The following LDLRAD4 variants were observed in gnomAD, a reference collection of about 807,000 sequenced individuals.
The protein encoded by LDLRAD4 is low density lipoprotein receptor class A domain containing 4.
A neutral mutation model predicts 17.0 loss-of-function variants in LDLRAD4; 5 were observed. The observed-to-expected ratio is 0.29, with a 90% CI of 0.15 to 0.62. The LOEUF (loss-of-function observed/expected upper bound fraction) is 0.62, where lower values mean the gene tolerates loss of function less well. Among genes scored for constraint, LDLRAD4 ranks in the 20% least tolerant of loss-of-function variants. The pLI is 0.84. For missense variants in LDLRAD4, 340 were observed against 424.7 expected (o/e 0.80, Z 1.75); for synonymous variants, 168 against 171.8 (o/e 0.98, Z 0.17).
intron 3 of LDLRAD4, among the ~76,000 whole-genome samples, chr18:13,510,220 A>G (rs2093756076): frequency 1.3e-5 from 2 of 152,312 alleles, no homozygotes; most frequent in South Asian, 2.1e-4. Context: ...TGAACTGCGT[A>G]AAGTGGGGAT....
At chr18:13,518,748 T>C (rs1230271417) in intron 3 of LDLRAD4, among the ~76,000 whole-genome samples, 2 of 152,220 alleles carry the variant, frequency 1.3e-5, no homozygotes, top group African/African-American at 2.4e-5. Context: ...CTATTTTCTA[T>C]TACTGGCTTC....
intron 1 of LDLRAD4, among the ~76,000 whole-genome samples, chr18:13,316,576 G>C (rs1225418486): frequency 6.6e-6 from 1 of 152,222 alleles, no homozygotes; most frequent in African/African-American, 2.4e-5. Context: ...GCGACTACCT[G>C]TCACCAGCAA....
intron 3 of LDLRAD4, among the ~76,000 whole-genome samples, chr18:13,480,891 C>T (rs56270936): frequency 0.41 from 61,663 of 152,140 alleles, 13,950 homozygotes; most frequent in Non-Finnish European, 0.51. Flanking sequence ...TGAAAACCCA[C>T]GTCCTGGCTG....
intron 3 of LDLRAD4, among the ~76,000 whole-genome samples, chr18:13,603,931 G>A (rs2095193626): frequency 6.6e-6 from 1 of 152,248 alleles, no homozygotes; most frequent in African/African-American, 2.4e-5. Flanking sequence ...CTGCAGCCCT[G>A]GAGCTGACAT....
chr18:13,630,268 T>C (rs989975051), intron 4 of LDLRAD4, among the ~76,000 whole-genome samples: 2 of 152,178 alleles, frequency 1.3e-5, no homozygotes, highest in African/African-American at 4.8e-5. Flanking sequence ...AGAAGTCTGA[T>C]GATGGATTCC....
At chr18:13,565,321 G>A (rs2094586239) in intron 3 of LDLRAD4, among the ~76,000 whole-genome samples, 1 of 152,240 alleles carries the variant, frequency 6.6e-6, no homozygotes, top group South Asian at 2.1e-4. Context: ...CAGCCCCTGT[G>A]ACGGGCCTTT....
intron 3 of LDLRAD4, among the ~76,000 whole-genome samples, chr18:13,568,824 A>G (rs2094643175): frequency 6.6e-6 from 1 of 152,146 alleles, no homozygotes; most frequent in African/African-American, 2.4e-5. Context: ...CAAGTTATTT[A>G]AATTTATAAC....
intron 1 of LDLRAD4, among the ~76,000 whole-genome samples, chr18:13,372,903 C>A (rs1267611243): frequency 6.6e-6 from 1 of 152,204 alleles, no homozygotes; most frequent in Non-Finnish European, 1.5e-5. Flanking sequence ...TGTGCAGAAC[C>A]GTTCACCATC....
chr18:13,394,112 C>T (rs183592256), intron 2 of LDLRAD4, among the ~76,000 whole-genome samples: 79 of 152,316 alleles, frequency 5.2e-4, no homozygotes, highest in Non-Finnish European at 9.8e-4. Flanking sequence ...GCCATTTGCA[C>T]ATTCTGTGGT....
chr18:13,223,286 T>C (rs2145355960), intron 1 of LDLRAD4, among the ~76,000 whole-genome samples: 1 of 152,324 alleles, frequency 6.6e-6, no homozygotes. Context: ...CTAGAGAGTC[T>C]CCTGAAAGTA....
chr18:13,523,208 T>C (rs2093979520), intron 3 of LDLRAD4, among the ~76,000 whole-genome samples: 1 of 152,180 alleles, frequency 6.6e-6, no homozygotes, highest in Non-Finnish European at 1.5e-5. Context: ...TTAGGGCAAA[T>C]TCAGTGACCT....
chr18:13,426,422 C>T (rs1187354620), intron 2 of LDLRAD4, among the ~76,000 whole-genome samples: 3 of 152,186 alleles, frequency 2.0e-5, no homozygotes, highest in Non-Finnish European at 2.9e-5. Flanking sequence ...CATAGGTTGT[C>T]AGAAATAAGT....
chr18:13,348,871 C>T (rs894326705), intron 1 of LDLRAD4, among the ~76,000 whole-genome samples: 18 of 152,188 alleles, frequency 1.2e-4, no homozygotes, highest in African/African-American at 4.1e-4. Context: ...CCCTCCGAGC[C>T]AGGCACGGGA....
At chr18:13,368,465 C>G (rs142285887) in intron 1 of LDLRAD4, among the ~76,000 whole-genome samples, 1 of 152,190 alleles carries the variant, frequency 6.6e-6, no homozygotes, top group African/African-American at 2.4e-5. Context: ...CTTGCCTACA[C>G]CAGAACTTCA....
intron 1 of LDLRAD4, among the ~76,000 whole-genome samples, chr18:13,234,510 G>C (rs1377100449): frequency 1.3e-5 from 2 of 152,196 alleles, no homozygotes; most frequent in Non-Finnish European, 2.9e-5. Context: ...GAGCAGGCCA[G>C]GGGAGGATGG....
intron 1 of LDLRAD4, among the ~76,000 whole-genome samples, chr18:13,338,314 G>A (rs1446124723): frequency 6.6e-6 from 1 of 152,180 alleles, no homozygotes; most frequent in East Asian, 1.9e-4. Context: ...CAGTAGCACT[G>A]TTCTCTGGAG....
rs190229748 is a variant in LDLRAD4, at chr18:13,411,262, A to G, written c.40+23500A>G. 7.9e-5 allele frequency among the ~76,000 whole-genome samples: 12 copies of G among 152,160 alleles called. No homozygotes were observed. In the East Asian group the frequency reaches 2.1e-3, roughly 27 times the overall value. On this transcript the variant is annotated intron_variant, in intron 2 of 5. Coordinates refer to ENST00000359446, the Ensembl canonical transcript of LDLRAD4. ...ACCAGACCCTGTCTCAAAAAAAAAA[A>G]AAAGAAAGAAAAAAAAGTGCCTCTA...
At chr18:13,242,634 T>C (rs991101179) in intron 1 of LDLRAD4, among the ~76,000 whole-genome samples, 3 of 152,034 alleles carry the variant, frequency 2.0e-5, no homozygotes, top group Admixed American at 6.5e-5. Flanking sequence ...CTCTGCATTG[T>C]TATTTTTTAA....
intron 1 of LDLRAD4, among the ~76,000 whole-genome samples, chr18:13,381,974 G>T (rs1020998582): frequency 6.6e-6 from 1 of 152,186 alleles, no homozygotes. Context: ...AACTTCTCTG[G>T]TGGGTAGAGT....
Sources: gnomAD v4.1 joint callset for allele counts (sites outside exome capture counted in the v4.1 genomes callset) on GRCh38, gnomAD v4.1.1 for gene constraint, MANE v1.5 for transcripts, NCBI Gene and HGNC (gene_info 2026-07-23, HGNC 2026-07-21) for gene names.